The following SPP2 variants were observed in gnomAD, a reference collection of about 807,000 sequenced individuals.
The protein encoded by SPP2 is secreted phosphoprotein 24.
SPP2 carries 34 observed loss-of-function variants against 28.8 expected under a neutral mutation model. The observed-to-expected ratio is 1.18, with a 90% CI of 0.90 to 1.57. The LOEUF (loss-of-function observed/expected upper bound fraction) is 1.57, where lower values mean the gene tolerates loss of function less well. Among genes scored for constraint, SPP2 ranks in the 40% most tolerant of loss-of-function variants. SPP2 has a pLI of 0.00. For missense variants in SPP2, 269 were observed against 263.9 expected, an observed-to-expected ratio of 1.02 and a Z score of -0.13; for synonymous variants, 96 against 89.4, an observed-to-expected ratio of 1.07 and a Z score of -0.42.
intron 6 of SPP2, among the ~76,000 whole-genome samples, chr2:234,068,613 T>G (rs180982150): frequency 1.3e-5 from 2 of 152,146 alleles, no homozygotes; most frequent in Non-Finnish European, 2.9e-5. Context: ...GTTGTCACTT[T>G]GGGAGAATAT....
intron 4 of SPP2, among the ~76,000 whole-genome samples, chr2:234,063,914 G>A (rs1268753050): frequency 6.6e-6 from 1 of 152,088 alleles, no homozygotes; most frequent in Admixed American, 6.6e-5. Flanking sequence ...GAGGGGTGAC[G>A]GGCATTTAAT....
chr2:234,074,019 T>G (rs1385938890), intron 7 of SPP2, among the ~76,000 whole-genome samples: 1 of 152,160 alleles, frequency 6.6e-6, no homozygotes, highest in Non-Finnish European at 1.5e-5. Context: ...GCATAAACCT[T>G]GGAACAATCA....
At chr2:234,064,295 C>T (rs1314952934) in intron 4 of SPP2, among the ~76,000 whole-genome samples, 1 of 151,782 alleles carries the variant, frequency 6.6e-6, no homozygotes, top group African/African-American at 2.4e-5. Context: ...CCACGTCCAC[C>T]CTTGCTGCAG....
chr2:234,067,412 A>G, intron 6 of SPP2, 138 bp downstream of exon 6: 1 of 839,658 alleles, frequency 1.2e-6, no homozygotes, highest in South Asian at 1.7e-5. Flanking sequence ...GTAAAAAAGG[A>G]AAAGAATAGT....
chr2:234,059,082 T>A, intron 3 of SPP2, 124 bp downstream of exon 3: 14 of 1,156,866 alleles, frequency 1.2e-5, no homozygotes, highest in Non-Finnish European at 1.6e-5. Flanking sequence ...TGCTAACATG[T>A]GGACATTGTG....
intron 2 of SPP2, 83 bp downstream of exon 2, chr2:234,051,178 A>T: frequency 1.3e-6 from 2 of 1,530,258 alleles, no homozygotes; most frequent in Non-Finnish European, 1.8e-6. Context: ...CTTTTAAGAA[A>T]TTTTCTCCAG....
At chr2:234,066,697 A>G in intron 5 of SPP2, 110 bp downstream of exon 5, 1 of 816,360 alleles carries the variant, frequency 1.2e-6, no homozygotes, top group Non-Finnish European at 2.0e-6. Flanking sequence ...GTAATCTTGC[A>G]ACAATTACAG....
chr2:234,054,004 A>G (rs1284150925), intron 2 of SPP2, among the ~76,000 whole-genome samples: 1 of 152,194 alleles, frequency 6.6e-6, no homozygotes, highest in East Asian at 1.9e-4. Context: ...AGTGGAGAGT[A>G]CCGTAGAGGA....
rs201364588 is a variant in SPP2, at chr2:234,069,979, G to C, written c.602G>C (p.Arg201Pro). 70 of 1,613,360 alleles carry C rather than the reference G, an allele frequency of 4.3e-5. No homozygotes were observed. The highest frequency in any genetic ancestry group is 1.0e-4 in the Admixed American group (6 of 59,982). Residue 201 changes from arginine to proline, a missense_variant, in exon 7 of 8, where the codon CGG (arginine) becomes CCG (proline). Transcript: ENST00000168148. ...PPGNRRYPNH[R>P]HRARINTDFE ...GGAAACAGAAGGTACCCAAACCACCGGCACAGAGCAAGAATAAATACTGAC... is the reference window on the plus strand; with the variant it reads ...GGAAACAGAAGGTACCCAAACCACCCGCACAGAGCAAGAATAAATACTGAC...
chr2:234,060,045 G>A (rs1434716704), intron 3 of SPP2, among the ~76,000 whole-genome samples: 1 of 152,226 alleles, frequency 6.6e-6, no homozygotes, highest in Non-Finnish European at 1.5e-5. Context: ...CAAAGAAGAA[G>A]AGAGTGAAGT....
chr2:234,066,725 T>C, intron 5 of SPP2, 138 bp downstream of exon 5: 1 of 686,936 alleles, frequency 1.5e-6, no homozygotes, highest in Non-Finnish European at 2.4e-6. Flanking sequence ...AAATTAACAT[T>C]TTGTTTTGCT....
intron 2 of SPP2, among the ~76,000 whole-genome samples, chr2:234,055,128 T>A (rs1320756797): frequency 6.9e-6 from 1 of 145,772 alleles, no homozygotes; most frequent in Non-Finnish European, 1.5e-5. Context: ...TATAAATGGA[T>A]GCATATGAAT....
chr2:234,067,246 A>G lies in SPP2; in HGVS notation c.522A>G (p.Ile174Met). Residue 174 changes from isoleucine (I) to methionine (M), a missense_variant, in exon 6 of 8, where the codon ATA (isoleucine) becomes ATG (methionine). By Grantham distance (10) the Ile-to-Met change is conservative. Transcript: ENST00000168148. ...YLFGLISDES[I>M]SEQFYDRSLG... is the part of the protein sequence containing the mutation. ...CAGGTCTCATTTCAGACGAGTCCAT[A>G]AGTGAACAATTTTATGATCGGTCAC... 1 of 1,614,038 alleles carries G rather than the reference A, an allele frequency of 6.2e-7. No homozygotes were observed.
intron 2 of SPP2, among the ~76,000 whole-genome samples, chr2:234,055,398 T>A (rs1693585931): frequency 6.6e-6 from 1 of 152,236 alleles, no homozygotes; most frequent in Non-Finnish European, 1.5e-5. Flanking sequence ...TGGAGGGTCA[T>A]CTGCTTTACT....
At chr2:234,065,568 T>A (rs776207258) in intron 4 of SPP2, among the ~76,000 whole-genome samples, 2 of 152,212 alleles carry the variant, frequency 1.3e-5, no homozygotes, top group Non-Finnish European at 2.9e-5. Flanking sequence ...CATGAACCAC[T>A]GTGCCTAGCT....
At chr2:234,060,613 G>C in intron 4 of SPP2, 134 bp downstream of exon 4, 3 of 677,238 alleles carry the variant, frequency 4.4e-6, no homozygotes, top group Non-Finnish European at 5.1e-6. Flanking sequence ...TGACACAGTG[G>C]GATTCTCTCT....
At position 234,050,993 on chromosome 2, in the gene SPP2, T is replaced by G. The variant is rs115788299; in HGVS notation, c.108T>G (p.Asp36Glu). ...SCSGFPVYDYDPSSLRDALSA... is the reference protein window; with the variant it reads ...SCSGFPVYDYEPSSLRDALSA... Reference sequence around the variant, plus strand: ...CAGGTTTCCCAGTGTACGACTACGATCCATCCTCCTTAAGGGATGCCCTCA... The same window carrying G: ...CAGGTTTCCCAGTGTACGACTACGAGCCATCCTCCTTAAGGGATGCCCTCA... The change falls in exon 2 of 8, where the codon GAT becomes GAG. Residue 36 changes from aspartate (D) to glutamate (E), a missense_variant. By Grantham distance (45) the Asp-to-Glu change is conservative (BLOSUM62 2). Transcript: ENST00000168148. 1 of 1,614,006 alleles carries G rather than the reference T, an allele frequency of 6.2e-7. No individual in the cohort carries two copies. The highest frequency in any genetic ancestry group is 8.5e-7 in the Non-Finnish European group (1 of 1,179,942).
At chr2:234,074,000 C>T (rs1025610006) in intron 7 of SPP2, among the ~76,000 whole-genome samples, 1 of 152,178 alleles carries the variant, frequency 6.6e-6, no homozygotes, top group African/African-American at 2.4e-5. Flanking sequence ...CCATCTCATA[C>T]ATTCTCTTGC....
At chr2:234,074,649 T>C (rs780202946) in intron 7 of SPP2, among the ~76,000 whole-genome samples, 9 of 152,218 alleles carry the variant, frequency 5.9e-5, no homozygotes, top group Admixed American at 5.9e-4. Context: ...CTATGGTCTA[T>C]AAAGCTGCTT....
Sources: gnomAD v4.1 joint callset for allele counts (sites outside exome capture counted in the v4.1 genomes callset) on GRCh38, gnomAD v4.1.1 for gene constraint, MANE v1.5 for transcripts, NCBI Gene and HGNC (gene_info 2026-07-23, HGNC 2026-07-21) for gene names.